The following NKD1 variants were observed in gnomAD, a reference collection of about 807,000 sequenced individuals.
NKD1 encodes the protein protein naked cuticle homolog 1.
In NKD1, 21 loss-of-function variants were observed where a neutral mutation model predicts 56.0. The observed-to-expected ratio is 0.38, with a 90% CI of 0.27 to 0.54. NKD1 has a LOEUF of 0.54. NKD1 is among the 20% of genes least tolerant of loss of function. The pLI is 0.82. For missense variants in NKD1, 578 were observed against 642.7 expected (o/e 0.90, Z 1.09); for synonymous variants, 263 against 265.7 (o/e 0.99, Z 0.10).
At chr16:50,580,683 G>C (rs371249371) in intron 3 of NKD1, among the ~76,000 whole-genome samples, 10 of 152,178 alleles carry the variant, frequency 6.6e-5, no homozygotes, top group African/African-American at 2.2e-4. Flanking sequence ...TAAAAATGAG[G>C]AATTTCACTC....
At chr16:50,576,426 C>T (rs957243794) in intron 3 of NKD1, among the ~76,000 whole-genome samples, 1 of 152,198 alleles carries the variant, frequency 6.6e-6, no homozygotes. Flanking sequence ...ATAAGATTAT[C>T]CATCCATAGC....
chr16:50,581,414 C>T (rs890113065), intron 3 of NKD1, among the ~76,000 whole-genome samples: 2 of 152,190 alleles, frequency 1.3e-5, no homozygotes, highest in African/African-American at 4.8e-5. Context: ...GCCAGGGAGT[C>T]CTTTGGCAAA....
chr16:50,580,234 G>A (rs1241633106), intron 3 of NKD1, among the ~76,000 whole-genome samples: 1 of 152,264 alleles, frequency 6.6e-6, no homozygotes, highest in East Asian at 1.9e-4. Flanking sequence ...ACCTTAGGGA[G>A]TGTTGTCATG....
intron 3 of NKD1, among the ~76,000 whole-genome samples, chr16:50,568,559 C>T (rs575449189): frequency 1.1e-4 from 16 of 152,270 alleles, no homozygotes; most frequent in South Asian, 4.1e-4. Context: ...TCGTTGGCAG[C>T]GAGAGAGGGG....
chr16:50,564,984 C>T (rs536274229), intron 3 of NKD1, among the ~76,000 whole-genome samples: 1 of 152,332 alleles, frequency 6.6e-6, no homozygotes, highest in South Asian at 2.1e-4. Flanking sequence ...ATGCTTATCC[C>T]TGCACAGACA....
At chr16:50,624,628 G>A (rs569490527) in intron 5 of NKD1, among the ~76,000 whole-genome samples, 4 of 152,212 alleles carry the variant, frequency 2.6e-5, no homozygotes, top group South Asian at 2.1e-4. Context: ...ATCCTGGGGC[G>A]CAGGTGCGAG....
At chr16:50,626,718 C>A (rs1159045085) in intron 6 of NKD1, among the ~76,000 whole-genome samples, 1 of 152,206 alleles carries the variant, frequency 6.6e-6, no homozygotes, top group Non-Finnish European at 1.5e-5. Flanking sequence ...CCTTACACTT[C>A]CTCATTCCTT....
intron 4 of NKD1, among the ~76,000 whole-genome samples, chr16:50,608,898 C>T (rs1279780279): frequency 6.6e-6 from 1 of 152,152 alleles, no homozygotes; most frequent in Non-Finnish European, 1.5e-5. Flanking sequence ...GTAATTGTAG[C>T]TCACTGCAGC....
At chr16:50,595,776 G>A (rs150476718) in intron 3 of NKD1, among the ~76,000 whole-genome samples, 3 of 152,300 alleles carry the variant, frequency 2.0e-5, no homozygotes, top group East Asian at 1.9e-4. Flanking sequence ...AACCTTCCAT[G>A]CTGACCATAC....
chr16:50,607,365 G>A (rs764324342), intron 3 of NKD1: 16 of 168,070 alleles, frequency 9.5e-5, no homozygotes, highest in Admixed American at 1.7e-4. Context: ...TTCCCCTAAG[G>A]AGAGGGTTGG....
rs1254618876 is a variant in NKD1, at chr16:50,649,096, C to T, written c.*15315C>T. 1.3e-5 allele frequency: 2 copies of T among 152,224 alleles called. No homozygotes were observed. The highest frequency in any genetic ancestry group is 2.1e-4 in the South Asian group (1 of 4,836). The allele number at this position is 152,224 out of a possible 1,614,324, so 9.4% of individuals were successfully genotyped here. ...CCTGATAGCAAACCTGTTGGATTTT[C>T]TCCAGAATCCCTGGGCCACTTTTAG... is the stretch of plus-strand genomic sequence containing the variant. On this transcript the variant is annotated 3_prime_UTR_variant, in exon 10 of 10. Transcript: ENST00000268459.
Position 50,598,262 on chromosome 16 carries a change from T to TGTGTGTGTGTGTGCGCGCGCGC in NKD1, c.193-10031_193-10030insTGTGTGTGTGTGCGCGCGCGCG, listed in dbSNP as rs138964473. Among the ~76,000 whole-genome samples, 2 of 148,572 alleles carry TGTGTGTGTGTGTGCGCGCGCGC rather than the reference T, an allele frequency of 1.3e-5. No homozygotes were observed. Among genetic ancestry groups the TGTGTGTGTGTGTGCGCGCGCGC allele is most frequent in the African/African-American group, 5.1e-5 (2 of 39,058 alleles). ...GTGTGTGTGTGTGTGTGTGTGTGTGTGCGCGCACACCTGTGCTCATGGACA... is the reference window on the plus strand; with the variant it reads ...GTGTGTGTGTGTGTGTGTGTGTGTGTGTGTGTGTGTGTGCGCGCGCGCGCGCGCACACCTGTGCTCATGGACA... On this transcript the variant is annotated intron_variant, in intron 3 of 9. Coordinates refer to ENST00000268459, the MANE Select transcript of NKD1 (RefSeq NM_033119.5). This position sits in a 1 kb window ranked among gnomAD's most constrained non-coding sequence, Gnocchi z 4.2.
chr16:50,630,432 T>C, intron 7 of NKD1, 99 bp downstream of exon 7: 1 of 1,350,766 alleles, frequency 7.4e-7, no homozygotes, highest in Non-Finnish European at 1.0e-6. Context: ...GTGGGCTTTC[T>C]GGGGCAGCTG....
At chr16:50,620,980 G>A (rs924279567) in intron 4 of NKD1, among the ~76,000 whole-genome samples, 2 of 152,212 alleles carry the variant, frequency 1.3e-5, no homozygotes, top group African/African-American at 4.8e-5. Flanking sequence ...ATGTGTGAGT[G>A]TGCATATGTG....
chr16:50,617,252 CCTCA>C lies in NKD1; in HGVS notation c.260-4346_260-4343del, dbSNP rs113243244. Among the ~76,000 whole-genome samples the C allele has an allele frequency of 2.2e-3, 340 of 152,250 alleles. 1 individual carries two copies. The highest frequency in any genetic ancestry group is 7.6e-3 in the African/African-American group (315 of 41,552). ...CAAAGTTGTCACCATTCAGGTATTTCCTCACTCTTCTTCTTTCGCTCTCTCTTCC... is the reference window on the plus strand; with the variant it reads ...CAAAGTTGTCACCATTCAGGTATTTCCTCTTCTTCTTTCGCTCTCTCTTCC... On this transcript the variant is annotated intron_variant, in intron 4 of 9. Coordinates refer to ENST00000268459, the MANE Select transcript of NKD1 (RefSeq NM_033119.5).
chr16:50,583,647 G>C (rs571997741), intron 3 of NKD1, among the ~76,000 whole-genome samples: 3 of 152,286 alleles, frequency 2.0e-5, no homozygotes, highest in African/African-American at 7.2e-5. Flanking sequence ...ATGATGGATA[G>C]CTGACACAGA....
intron 3 of NKD1, among the ~76,000 whole-genome samples, chr16:50,601,756 G>A (rs955714586): frequency 1.3e-5 from 2 of 152,356 alleles, no homozygotes; most frequent in African/African-American, 4.8e-5. Context: ...ACCTGTGGCT[G>A]TGGTGGGCTC....
Position 50,635,915 on chromosome 16 carries a change from A to T in NKD1, c.*2134A>T, listed in dbSNP as rs1419101208. 2.0e-5 allele frequency: 3 copies of T among 152,288 alleles called. No homozygotes were observed. Among genetic ancestry groups the T allele is most frequent in the African/African-American group, 7.2e-5 (3 of 41,474 alleles). 9.4% of individuals were successfully genotyped at this position (152,288 alleles called of 1,614,324 possible). A position where few individuals can be genotyped will look rare whatever the true frequency, so the allele number is the denominator to read the frequency against. On this transcript the variant is annotated 3_prime_UTR_variant, in exon 10 of 10. Transcript: ENST00000268459. The surrounding 1 kb of genome is among the most constrained non-coding windows in gnomAD (Gnocchi z 4.1). ...AACTGGCTTTGAGATGACAGGGTCC[A>T]GGATGTGAATGCAGCTGAGACTGGT... is the stretch of plus-strand genomic sequence containing the variant.
intron 3 of NKD1, chr16:50,570,849 G>A: frequency 1.0e-6 from 1 of 985,444 alleles, no homozygotes; most frequent in African/African-American, 1.7e-5. Context: ...GGTAACATCT[G>A]TACAGCACCT....
Sources: allele counts gnomAD v4.1 joint callset (sites outside exome capture counted in the v4.1 genomes callset), GRCh38; gene constraint gnomAD v4.1.1; non-coding constraint Gnocchi (gnomAD v3.1); transcripts MANE v1.5; gene names NCBI Gene and HGNC (gene_info 2026-07-23, HGNC 2026-07-21).